Variants in KLF7 observed in about 807,000 individuals in gnomAD.
The protein encoded by KLF7 is Krueppel-like factor 7.
Under a neutral mutation model 27.3 loss-of-function variants are expected in KLF7, and 2 were observed. The observed-to-expected ratio is 0.07, with a 90% CI of 0.03 to 0.23. The LOEUF (loss-of-function observed/expected upper bound fraction) is 0.23. Among genes scored for constraint, KLF7 ranks in the 10% least tolerant of loss-of-function variants. The pLI is 1.00. For missense variants in KLF7, 221 were observed against 394.1 expected, an observed-to-expected ratio of 0.56 and a Z score of 3.72; for synonymous variants, 165 against 162.4, an observed-to-expected ratio of 1.02 and a Z score of -0.12.
chr2:207,081,393 G>A, intron 3 of KLF7, 129 bp from the exon 4 acceptor site: 1 of 834,116 alleles, frequency 1.2e-6, no homozygotes, highest in South Asian at 1.5e-5. Context: ...ACAGGGCCAT[G>A]TGTTGGGAAG....
intron 1 of KLF7, among the ~76,000 whole-genome samples, chr2:207,140,420 G>A (rs2077907935): frequency 6.6e-6 from 1 of 152,130 alleles, no homozygotes; most frequent in African/African-American, 2.4e-5. Context: ...AGAGACTAAT[G>A]CATTTTCCAA....
rs565150166 is a variant in KLF7, at chr2:207,124,407, G to A, written c.103-3C>T. The A allele has an allele frequency of 8.8e-5, 136 of 1,545,614 alleles. No homozygotes were observed. The South Asian group carries it at 1.1e-3, about 12-fold the overall frequency. ...TAGCGTTCCAATTCAAGGCATGTCT[G>A]CAAGAGGAAGAAGGAGGGAGAGAAA... On this transcript the variant is annotated splice_polypyrimidine_tract_variant and splice_region_variant and intron_variant, in intron 1 of 3. Transcript: ENST00000309446.
At chr2:207,116,612 C>A (rs12328567) in intron 2 of KLF7, among the ~76,000 whole-genome samples, 1 of 151,990 alleles carries the variant, frequency 6.6e-6, no homozygotes, top group East Asian at 1.9e-4. Flanking sequence ...ATGATCATGA[C>A]GGTAATTAAC....
At chr2:207,139,176 G>A (rs866950659) in intron 1 of KLF7, among the ~76,000 whole-genome samples, 1 of 152,178 alleles carries the variant, frequency 6.6e-6, no homozygotes, top group Admixed American at 6.5e-5. Flanking sequence ...GAGCAAAGCT[G>A]TAACAGCTCT....
At chr2:207,100,595 GCTC>G (rs1559120709) in intron 2 of KLF7, among the ~76,000 whole-genome samples, 4 of 151,866 alleles carry the variant, frequency 2.6e-5, no homozygotes. Flanking sequence ...GACAGCCCCC[GCTC>G]CCCAACTCCC....
upstream of KLF7, chr2:207,166,905 C>G (rs1366936213): frequency 9.5e-7 from 1 of 1,055,306 alleles, no homozygotes; most frequent in Non-Finnish European, 1.2e-6. Context: ...GCGCCCGCCC[C>G]CCGCTTGCGC....
intron 1 of KLF7, chr2:207,149,154 T>G: frequency 1.6e-6 from 2 of 1,288,414 alleles, no homozygotes; most frequent in Non-Finnish European, 2.0e-6. Context: ...TAGTCAATAA[T>G]AAGAAACTGG....
intron 1 of KLF7, among the ~76,000 whole-genome samples, chr2:207,133,156 A>T (rs1370610288): frequency 6.6e-6 from 1 of 152,176 alleles, no homozygotes. Context: ...CTATGCCCTC[A>T]TCTCCCAACC....
At chr2:207,149,127 C>T in intron 1 of KLF7, 1 of 1,285,686 alleles carries the variant, frequency 7.8e-7, no homozygotes, top group Non-Finnish European at 1.0e-6. Flanking sequence ...CAGTCCCACC[C>T]AGTCATGTTG....
chr2:207,081,852 C>CAAA (rs35500565), intron 3 of KLF7, among the ~76,000 whole-genome samples: 3 of 107,726 alleles, frequency 2.8e-5, no homozygotes, highest in Non-Finnish European at 2.0e-5. Flanking sequence ...ATATTCAAGT[C>CAAA]AAAAAAAAAA....
chr2:207,141,327 T>C (rs1379608034), intron 1 of KLF7, among the ~76,000 whole-genome samples: 1 of 152,166 alleles, frequency 6.6e-6, no homozygotes, highest in African/African-American at 2.4e-5. Context: ...GACCACATAC[T>C]TGTCCTTAGG....
intron 1 of KLF7, chr2:207,134,249 C>T (rs1411557331): frequency 3.9e-6 from 3 of 764,298 alleles, no homozygotes. Context: ...TTAATATACC[C>T]TTCCCCTACC....
intron 3 of KLF7, among the ~76,000 whole-genome samples, chr2:207,081,999 T>A (rs959731734): frequency 3.3e-5 from 5 of 151,466 alleles, no homozygotes; most frequent in African/African-American, 1.2e-4. Flanking sequence ...TGTGTGTGTG[T>A]GTGTTGGGGG....
intron 1 of KLF7, among the ~76,000 whole-genome samples, chr2:207,152,419 G>A (rs902700390): frequency 1.3e-5 from 2 of 152,044 alleles, no homozygotes; most frequent in Admixed American, 6.5e-5. Flanking sequence ...AAAAAAAATT[G>A]TTTGGTATTG....
intron 2 of KLF7, among the ~76,000 whole-genome samples, chr2:207,092,572 GAA>G (rs2105883638): frequency 6.6e-6 from 1 of 152,332 alleles, no homozygotes; most frequent in African/African-American, 2.4e-5. Flanking sequence ...GGGTGCTTGA[GAA>G]ACAGGACTGA....
chr2:207,142,670 C>CA (rs2077976602), intron 1 of KLF7, among the ~76,000 whole-genome samples: 1 of 152,060 alleles, frequency 6.6e-6, no homozygotes, highest in Non-Finnish European at 1.5e-5. Flanking sequence ...GAACTTTTGC[C>CA]AAGTGGAGAA....
chr2:207,113,606 G>T (rs1252726957), intron 2 of KLF7, among the ~76,000 whole-genome samples: 1 of 115,058 alleles, frequency 8.7e-6, no homozygotes, highest in Non-Finnish European at 1.9e-5. Context: ...GGAATGGGGG[G>T]TGGGGGGGGG....
chr2:207,095,607 T>C (rs747292106), intron 2 of KLF7, among the ~76,000 whole-genome samples: 2 of 152,234 alleles, frequency 1.3e-5, no homozygotes, highest in African/African-American at 2.4e-5. Context: ...GAAATGTTGC[T>C]GAGGTAACTA....
Position 207,077,472 on chromosome 2 carries a change from G to C in KLF7, c.*3741C>G, listed in dbSNP as rs1213500812. 6.6e-6 allele frequency: 1 copy of C among 152,202 alleles called. No homozygotes were observed. The highest frequency in any genetic ancestry group is 1.5e-5 in the Non-Finnish European group (1 of 68,052). The allele number at this position is 152,202 out of a possible 1,614,324, so 9.4% of individuals were successfully genotyped here. On this transcript the variant is annotated 3_prime_UTR_variant, in exon 4 of 4. Coordinates refer to ENST00000309446, the MANE Select transcript of KLF7 (RefSeq NM_003709.4). Reference sequence around the variant, plus strand: ...TCAAAGATGTACAAAGGGCACAAGAGGTGCAGGTGGAGAGGAGATGGCGTC... The same window carrying C: ...TCAAAGATGTACAAAGGGCACAAGACGTGCAGGTGGAGAGGAGATGGCGTC...
Sources: allele counts gnomAD v4.1 joint callset (sites outside exome capture counted in the v4.1 genomes callset), GRCh38; gene constraint gnomAD v4.1.1; transcripts MANE v1.5; gene names NCBI Gene and HGNC (gene_info 2026-07-23, HGNC 2026-07-21).